Variants in PTPRK observed in about 807,000 individuals in gnomAD.
The protein encoded by PTPRK is receptor-type tyrosine-protein phosphatase kappa.
In PTPRK, 75 loss-of-function variants were observed where a neutral mutation model predicts 178.0. The observed-to-expected ratio is 0.42, with a 90% CI of 0.35 to 0.51. The LOEUF is 0.51. Ranked by LOEUF, PTPRK falls within the 20% of genes least tolerant of loss-of-function variation. The probability of loss-of-function intolerance (pLI) is 0.02; values close to 1 mark genes in which losing one functional copy is unlikely to be tolerated. For synonymous variants in PTPRK, 637 were observed against 620.6 expected (o/e 1.03, Z -0.39); for missense variants, 1,441 against 1,797.8 (o/e 0.80, Z 3.59).
chr6:128,332,848 C>T (rs1315736553), intron 2 of PTPRK, among the ~76,000 whole-genome samples: 2 of 152,120 alleles, frequency 1.3e-5, no homozygotes, highest in East Asian at 3.9e-4. Context: ...ATTGTTGCCT[C>T]AACGCCCACT....
At chr6:128,458,663 C>T (rs1436607398) in intron 1 of PTPRK, among the ~76,000 whole-genome samples, 1 of 152,152 alleles carries the variant, frequency 6.6e-6, no homozygotes, top group Non-Finnish European at 1.5e-5. Context: ...GTAGAAATCA[C>T]TACACAATGT....
At chr6:128,494,201 T>TAAAAAAAAAAAAAAAAAAAA (rs11301155) in intron 1 of PTPRK, among the ~76,000 whole-genome samples, 1 of 112,944 alleles carries the variant, frequency 8.9e-6, no homozygotes, top group Non-Finnish European at 1.8e-5. Flanking sequence ...CCCTGTATCT[T>TAAAAAAAAAAAAAAAAAAAA]AAAAAAAAAA....
intron 1 of PTPRK, among the ~76,000 whole-genome samples, chr6:128,463,632 CAT>C (rs1849364195): frequency 6.6e-6 from 1 of 150,714 alleles, no homozygotes. Context: ...CAGATAACAA[CAT>C]AAAACTAATA....
chr6:128,130,963 TTG>T (rs1794143864), intron 7 of PTPRK, among the ~76,000 whole-genome samples: 1 of 152,266 alleles, frequency 6.6e-6, no homozygotes, highest in Admixed American at 6.5e-5. Flanking sequence ...ATTGTTTGTC[TTG>T]TGTCTTATAT....
At chr6:128,198,677 T>C (rs1480955465) in intron 6 of PTPRK, among the ~76,000 whole-genome samples, 1 of 152,220 alleles carries the variant, frequency 6.6e-6, no homozygotes, top group Non-Finnish European at 1.5e-5. Context: ...TTTTGCCATT[T>C]ATACACTTAG....
At chr6:128,467,111 C>A in intron 1 of PTPRK, among the ~76,000 whole-genome samples, 1 of 152,096 alleles carries the variant, frequency 6.6e-6, no homozygotes, top group Non-Finnish European at 1.5e-5. Context: ...GTGATCCGCC[C>A]ACCTCAGTCT....
intron 1 of PTPRK, among the ~76,000 whole-genome samples, chr6:128,414,978 G>A (rs1361293094): frequency 6.6e-6 from 1 of 152,114 alleles, no homozygotes; most frequent in Non-Finnish European, 1.5e-5. Context: ...ACAGTTCATT[G>A]ATTTGGCCAA....
At chr6:127,997,656 G>A (rs1251416143) in intron 16 of PTPRK, among the ~76,000 whole-genome samples, 1 of 152,030 alleles carries the variant, frequency 6.6e-6, no homozygotes, top group Non-Finnish European at 1.5e-5. Context: ...TCTTCAAAGA[G>A]CCCAGTGGTC....
intron 7 of PTPRK, among the ~76,000 whole-genome samples, chr6:128,165,865 A>G (rs765981543): frequency 6.6e-6 from 1 of 151,668 alleles, no homozygotes; most frequent in Non-Finnish European, 1.5e-5. Context: ...TTCAATAGTT[A>G]AGTGAAAGAT....
chr6:128,181,407 C>T (rs1193832652), intron 7 of PTPRK, among the ~76,000 whole-genome samples: 4 of 151,958 alleles, frequency 2.6e-5, no homozygotes, highest in Admixed American at 6.6e-5. Context: ...AAATTATCAA[C>T]ATTTATTCAA....
intron 7 of PTPRK, among the ~76,000 whole-genome samples, chr6:128,169,864 T>C (rs145732870): frequency 1.3e-5 from 2 of 151,782 alleles, no homozygotes; most frequent in African/African-American, 4.8e-5. Flanking sequence ...ATAATATATA[T>C]AATTTTATGA....
chr6:128,464,641 A>ATATATATATATATATG lies in PTPRK; in HGVS notation c.100+55617_100+55618insCATATATATATATATA, dbSNP rs1562576447. Among the ~76,000 whole-genome samples, 17 of 64,588 alleles carry ATATATATATATATATG rather than the reference A, an allele frequency of 2.6e-4. No individual in the cohort carries two copies. The East Asian group carries it at 4.5e-3, about 17-fold the overall frequency. 42.4% of individuals were successfully genotyped at this position (64,588 alleles called of 152,430 possible). A position where few individuals can be genotyped will look rare whatever the true frequency, so the allele number is the denominator to read the frequency against. The stretch of plus-strand genomic sequence containing the variant: ...TATACATATATATATATATACACAT[A>ATATATATATATATATG]TATATATATATATATATATATATAT... On this transcript the variant is annotated intron_variant, in intron 1 of 29. Coordinates refer to ENST00000368226, the MANE Select transcript of PTPRK (RefSeq NM_002844.4).
chr6:127,985,192 G>A (rs932368119), intron 22 of PTPRK, among the ~76,000 whole-genome samples: 7 of 152,058 alleles, frequency 4.6e-5, no homozygotes, highest in African/African-American at 1.2e-4. Flanking sequence ...TATAATGCTC[G>A]TGTTTTTTGG....
Position 128,203,734 on chromosome 6 carries a change from T to G in PTPRK, c.868+15188A>C, listed in dbSNP as rs139813581. On this transcript the variant is annotated intron_variant, in intron 6 of 29. Transcript: ENST00000368226. ...GCTAACAAGGGAAGTGGAAGACCTC[T>G]TCAAGGAAAACTACAAACCACTCCT... is the stretch of plus-strand genomic sequence containing the variant. 4.3e-4 allele frequency among the ~76,000 whole-genome samples: 65 copies of G among 152,204 alleles called. 1 individual carries two copies. The highest frequency in any genetic ancestry group is 8.4e-4 in the Non-Finnish European group (57 of 68,008).
At chr6:128,455,666 G>A (rs1181327305) in intron 1 of PTPRK, among the ~76,000 whole-genome samples, 1 of 151,932 alleles carries the variant, frequency 6.6e-6, no homozygotes, top group Non-Finnish European at 1.5e-5. Flanking sequence ...GTTTTAATAG[G>A]GATACCAAAG....
intron 12 of PTPRK, 76 bp from the exon 13 acceptor site, chr6:128,064,870 T>TA (rs1781491679): frequency 6.9e-7 from 1 of 1,452,328 alleles, no homozygotes; most frequent in Non-Finnish European, 9.0e-7. Context: ...ATAATTATTA[T>TA]GAAGATCCAT....
chr6:128,090,069 A>C (rs1786659143), intron 7 of PTPRK, 77 bp from the exon 8 acceptor site: 2 of 1,122,182 alleles, frequency 1.8e-6, no homozygotes, highest in African/African-American at 1.6e-5. Flanking sequence ...CACCAAGTAT[A>C]ATATAGCATA....
chr6:128,275,258 G>A (rs1820539175), intron 3 of PTPRK, among the ~76,000 whole-genome samples: 1 of 151,996 alleles, frequency 6.6e-6, no homozygotes, highest in African/African-American at 2.4e-5. Flanking sequence ...TCTGACTCAA[G>A]CTCTTATGTT....
rs550266806 is a variant in PTPRK, at chr6:128,130,067, T to C, written c.1163-40075A>G. On this transcript the variant is annotated intron_variant, in intron 7 of 29. Coordinates refer to ENST00000368226, the MANE Select transcript of PTPRK (RefSeq NM_002844.4). ...GAATAATACAGTTAGAGTTATGATATGGTATATTTTCTCTAAGTCATAGAA... is the reference window on the plus strand; with the variant it reads ...GAATAATACAGTTAGAGTTATGATACGGTATATTTTCTCTAAGTCATAGAA... Among the ~76,000 whole-genome samples, 10 of 152,294 alleles carry C rather than the reference T, an allele frequency of 6.6e-5. No individual in the cohort carries two copies. In the South Asian group the frequency reaches 1.0e-3, roughly 16 times the overall value.
Sources: allele counts gnomAD v4.1 joint callset (sites outside exome capture counted in the v4.1 genomes callset), GRCh38; gene constraint gnomAD v4.1.1; transcripts MANE v1.5; gene names NCBI Gene and HGNC (gene_info 2026-07-23, HGNC 2026-07-21).